TBL1X: variants seen among roughly 807,000 people sequenced by gnomAD.
TBL1X encodes transducin beta like 1 X-linked.
Under a neutral mutation model 50.7 loss-of-function variants are expected in TBL1X, and 10 were observed. That is an observed-to-expected ratio of 0.20 (90% CI 0.12 to 0.33). TBL1X has a LOEUF of 0.33. Ranked by LOEUF, TBL1X falls within the 10% of genes least tolerant of loss-of-function variation. TBL1X has a pLI of 1.00. For missense variants in TBL1X, 340 were observed against 504.4 expected (o/e 0.67, Z 3.12); for synonymous variants, 190 against 214.7 (o/e 0.88, Z 1.01).
intron 3 of TBL1X, among the ~76,000 whole-genome samples, chrX:9,651,055 G>T (rs2082832277): frequency 1.4e-5 from 1 of 71,220 alleles, no homozygotes; most frequent in Non-Finnish European, 2.4e-5. Flanking sequence ...TTGAGAAAGG[G>T]TCTCACTTCC....
chrX:9,693,426 A>G lies in TBL1X; in HGVS notation c.1053+7A>G. ...GAGTGCTGGTGTAGACAAAGTGAGT[A>G]TTAGCTGAAAATACATCCCTTTGAT... On this transcript the variant is annotated splice_region_variant and intron_variant, in intron 11 of 17. Transcript: ENST00000645353. 3 of 1,188,422 alleles carry G rather than the reference A, an allele frequency of 2.5e-6. No individual in the cohort carries two copies. Among genetic ancestry groups the G allele is most frequent in the Non-Finnish European group, 3.4e-6 (3 of 876,624 alleles).
intron 3 of TBL1X, among the ~76,000 whole-genome samples, chrX:9,641,132 T>C (rs1213265310): frequency 8.9e-6 from 1 of 112,406 alleles, no homozygotes; most frequent in African/African-American, 3.2e-5. Flanking sequence ...ATCAGTTTCT[T>C]AATATGATTT....
At chrX:9,637,749 A>G (rs1475569756) in intron 2 of TBL1X, 1 of 111,468 alleles carries the variant, frequency 9.0e-6, no homozygotes, top group African/African-American at 3.3e-5. Context: ...CAAATCCCCA[A>G]GAGCATCGGC....
In TBL1X at chrX:9,480,147, T is replaced by C. The variant is rs766644979; in HGVS notation, c.-201+14700T>C. ...TTTTGTATTTTTAGTAGAGACAGGGTTTCTCCATGTTGGTCAAGCTGGTCT... is the reference window on the plus strand; with the variant it reads ...TTTTGTATTTTTAGTAGAGACAGGGCTTCTCCATGTTGGTCAAGCTGGTCT... On this transcript the variant is annotated intron_variant, in intron 1 of 17. Transcript: ENST00000645353. Among the ~76,000 whole-genome samples the C allele has an allele frequency of 3.5e-3, 387 of 111,481 alleles. 3 individuals are homozygous for C. Among genetic ancestry groups the C allele is most frequent in the African/African-American group, 0.012 (365 of 30,628 alleles).
chrX:9,628,464 A>C (rs2082703852), intron 2 of TBL1X, among the ~76,000 whole-genome samples: 1 of 112,579 alleles, frequency 8.9e-6, no homozygotes, highest in African/African-American at 3.2e-5. Context: ...TTAAAAAAAA[A>C]GATGTCATTT....
intron 2 of TBL1X, among the ~76,000 whole-genome samples, chrX:9,539,063 A>G (rs73186392): frequency 0.11 from 11,771 of 111,962 alleles, 480 homozygotes; most frequent in Non-Finnish European, 0.13. Flanking sequence ...GGGGATGACA[A>G]TCTTGATTTC....
chrX:9,468,760 T>C (rs1349158559), intron 1 of TBL1X, among the ~76,000 whole-genome samples: 1 of 110,794 alleles, frequency 9.0e-6, no homozygotes, highest in African/African-American at 3.3e-5. Context: ...TAATTATATA[T>C]ATAGGGGTCG....
At chrX:9,575,623 GTGT>G (rs1193567036) in intron 2 of TBL1X, among the ~76,000 whole-genome samples, 7 of 111,901 alleles carry the variant, frequency 6.3e-5, no homozygotes, top group South Asian at 7.4e-4. Context: ...ATTGTGAATA[GTGT>G]TGTTGTGAAC....
chrX:9,616,565 G>T (rs1389659406), intron 2 of TBL1X, among the ~76,000 whole-genome samples: 1 of 111,867 alleles, frequency 8.9e-6, no homozygotes, highest in Admixed American at 9.5e-5. Flanking sequence ...CAGGTTGAAT[G>T]GAGTGAATAG....
chrX:9,705,246 G>C, intron 13 of TBL1X, 132 bp downstream of exon 13: 1 of 1,075,392 alleles, frequency 9.3e-7, no homozygotes, highest in South Asian at 2.1e-5. Context: ...TATTTGAGCT[G>C]TCATGGTTAC....
intron 1 of TBL1X, among the ~76,000 whole-genome samples, chrX:9,483,904 C>G (rs1343067168): frequency 8.9e-6 from 1 of 112,090 alleles, no homozygotes; most frequent in Admixed American, 9.5e-5. Context: ...GAATGGAGTC[C>G]TATTATATTT....
chrX:9,555,523 C>T (rs1470232375), intron 2 of TBL1X, among the ~76,000 whole-genome samples: 1 of 111,834 alleles, frequency 8.9e-6, no homozygotes, highest in Non-Finnish European at 1.9e-5. Flanking sequence ...CAGGTGTTTA[C>T]ATGCACATAT....
intron 2 of TBL1X, among the ~76,000 whole-genome samples, chrX:9,635,184 A>G (rs1007911481): frequency 1.6e-4 from 18 of 110,685 alleles, no homozygotes; most frequent in African/African-American, 5.3e-4. Context: ...GAATTTTATC[A>G]TACAAATTTG....
intron 2 of TBL1X, among the ~76,000 whole-genome samples, chrX:9,578,734 A>G (rs143369378): frequency 0.015 from 1,671 of 111,978 alleles, 12 homozygotes; most frequent in Middle Eastern, 0.041. Context: ...TTGCGGCAGC[A>G]TTTATCATCC....
intron 2 of TBL1X, among the ~76,000 whole-genome samples, chrX:9,609,411 GGT>G (rs749352901): frequency 4.5e-4 from 44 of 97,556 alleles, no homozygotes; most frequent in African/African-American, 9.1e-4. Flanking sequence ...TCCAGGTAGG[GGT>G]GTGTGTGTGT....
chrX:9,559,432 A>G (rs2082314894), intron 2 of TBL1X, among the ~76,000 whole-genome samples: 1 of 111,244 alleles, frequency 9.0e-6, no homozygotes, highest in African/African-American at 3.3e-5. Flanking sequence ...TGTTAGTGTC[A>G]TCTTATTCTA....
At chrX:9,556,479 A>C (rs966088406) in intron 2 of TBL1X, among the ~76,000 whole-genome samples, 1 of 108,108 alleles carries the variant, frequency 9.3e-6, no homozygotes, top group African/African-American at 3.4e-5. Flanking sequence ...GCAACATGGC[A>C]AGACCCTGTC....
chrX:9,504,394 C>T lies in TBL1X; in HGVS notation c.-131+2545C>T, dbSNP rs1203534153. On this transcript the variant is annotated intron_variant, in intron 2 of 17. Coordinates refer to ENST00000645353, the MANE Select transcript of TBL1X (RefSeq NM_005647.4). The stretch of plus-strand genomic sequence containing the variant: ...CCAAAAGGCCAGAGTACCTCTTCTC[C>T]TCCAAATGATTACAACATCTCTCCA... 2.7e-5 allele frequency among the ~76,000 whole-genome samples: 3 copies of T among 112,034 alleles called. No individual in the cohort carries two copies. In the East Asian group the frequency reaches 8.4e-4, roughly 31 times the overall value.
At chrX:9,660,691 A>G (rs2082892752) in intron 5 of TBL1X, among the ~76,000 whole-genome samples, 1 of 112,310 alleles carries the variant, frequency 8.9e-6, no homozygotes, top group Non-Finnish European at 1.9e-5. Context: ...AAAAGTGAGC[A>G]TCTACACTCT....
Sources: allele counts gnomAD v4.1 joint callset (sites outside exome capture counted in the v4.1 genomes callset), GRCh38; gene constraint gnomAD v4.1.1; transcripts MANE v1.5; gene names NCBI Gene and HGNC (gene_info 2026-07-23, HGNC 2026-07-21).